The following TPRG1 variants were observed in gnomAD, a reference collection of about 807,000 sequenced individuals.
TPRG1 encodes tumor protein p63-regulated gene 1 protein.
A neutral mutation model predicts 29.3 loss-of-function variants in TPRG1; 29 were observed. The ratio of observed to expected loss-of-function variants is 0.99; its 90% CI spans 0.74 to 1.35. The LOEUF is 1.35. TPRG1 is among the 40% of genes most tolerant of loss of function. The pLI is 0.00. For missense variants in TPRG1, 327 were observed against 335.0 expected, an observed-to-expected ratio of 0.98 and a Z score of 0.19; for synonymous variants, 130 against 116.8, an observed-to-expected ratio of 1.11 and a Z score of -0.73.
At chr3:189,289,604 T>C (rs188490493) in intron 4 of TPRG1, among the ~76,000 whole-genome samples, 6 of 152,344 alleles carry the variant, frequency 3.9e-5, no homozygotes, top group Non-Finnish European at 5.9e-5. Flanking sequence ...GGGATGATGA[T>C]AGTTTTTACT....
At chr3:189,262,519 C>T (rs1365703256) in intron 4 of TPRG1, among the ~76,000 whole-genome samples, 1 of 151,976 alleles carries the variant, frequency 6.6e-6, no homozygotes, top group Non-Finnish European at 1.5e-5. Context: ...CTCAGAGAGT[C>T]AGATTTTCTG....
intron 1 of TPRG1, among the ~76,000 whole-genome samples, chr3:189,106,468 T>C (rs1374174794): frequency 6.6e-6 from 1 of 152,168 alleles, no homozygotes; most frequent in Non-Finnish European, 1.5e-5. Flanking sequence ...ATTTTTCTTA[T>C]GGCAAATATA....
intron 1 of TPRG1, among the ~76,000 whole-genome samples, chr3:189,124,567 T>TAC (rs533158661): frequency 8.1e-4 from 122 of 151,196 alleles, no homozygotes; most frequent in African/African-American, 2.7e-3. Flanking sequence ...TATATATATA[T>TAC]ACACACACAC....
In TPRG1 at chr3:189,296,264, T is replaced by G. The variant is rs145215732; in HGVS notation, c.480-14122T>G. ...GCTGTATTTTCCATGCCTAATTTCT[T>G]CAAAAGTTAATTTGAAAAACCAACT... is the stretch of plus-strand genomic sequence containing the variant. On this transcript the variant is annotated intron_variant, in intron 4 of 5. Transcript: ENST00000345063. Among the ~76,000 whole-genome samples the G allele has an allele frequency of 5.9e-5, 9 of 152,340 alleles. No homozygotes were observed. The East Asian group carries it at 1.7e-3, about 29-fold the overall frequency.
At chr3:189,140,896 AGCCCAAG>A (rs1724457345) in intron 3 of TPRG1, among the ~76,000 whole-genome samples, 1 of 152,170 alleles carries the variant, frequency 6.6e-6, no homozygotes, top group Non-Finnish European at 1.5e-5. Flanking sequence ...TGATTTCTGC[AGCCCAAG>A]CTGAGTGCCG....
chr3:189,151,272 T>A (rs1470587376), intron 5 of TPRG1: 1 of 152,140 alleles, frequency 6.6e-6, no homozygotes, highest in African/African-American at 2.4e-5. Context: ...GTTTTCCAGA[T>A]ATAAGATACT....
At chr3:189,205,282 T>G (rs1734151781) in intron 1 of TPRG1, among the ~76,000 whole-genome samples, 1 of 152,216 alleles carries the variant, frequency 6.6e-6, no homozygotes, top group Non-Finnish European at 1.5e-5. Context: ...AGAAATCATA[T>G]AAAGCAAACT....
chr3:189,035,798 G>A (rs546542758), intron 4 of TPRG1, among the ~76,000 whole-genome samples: 2 of 151,996 alleles, frequency 1.3e-5, no homozygotes, highest in Admixed American at 1.3e-4. Context: ...GCAGAGAAAA[G>A]GAAACACTTA....
At chr3:189,010,380 A>G (rs1000374681) in intron 3 of TPRG1, among the ~76,000 whole-genome samples, 1 of 152,192 alleles carries the variant, frequency 6.6e-6, no homozygotes, top group Admixed American at 6.5e-5. Flanking sequence ...ACAATGGCTG[A>G]GCTAATTCAC....
chr3:189,255,484 CT>C (rs1309168567), intron 4 of TPRG1, among the ~76,000 whole-genome samples: 2 of 152,050 alleles, frequency 1.3e-5, no homozygotes, highest in African/African-American at 4.8e-5. Context: ...CTGAAATTTT[CT>C]TTTTTTCTTG....
chr3:189,107,515 G>A (rs1048631093), intron 1 of TPRG1, among the ~76,000 whole-genome samples: 8 of 151,942 alleles, frequency 5.3e-5, no homozygotes, highest in African/African-American at 1.9e-4. Context: ...AATAACGTAT[G>A]GACAAAAAAG....
At chr3:189,115,816 A>G (rs1342295441) in intron 1 of TPRG1, among the ~76,000 whole-genome samples, 1 of 152,176 alleles carries the variant, frequency 6.6e-6, no homozygotes, top group Non-Finnish European at 1.5e-5. Context: ...AAACTTTATC[A>G]TCTCTCTTTT....
intron 4 of TPRG1, among the ~76,000 whole-genome samples, chr3:189,053,030 TAAAG>T (rs1715429051): frequency 6.6e-6 from 1 of 152,138 alleles, no homozygotes; most frequent in Non-Finnish European, 1.5e-5. Flanking sequence ...AAATCACCAT[TAAAG>T]AACTTACTCA....
intron 1 of TPRG1, among the ~76,000 whole-genome samples, chr3:189,106,743 C>G (rs1047034436): frequency 6.6e-6 from 1 of 151,960 alleles, no homozygotes; most frequent in Non-Finnish European, 1.5e-5. Context: ...TGTATATGAC[C>G]TTGTGTTTTT....
intron 3 of TPRG1, among the ~76,000 whole-genome samples, chr3:189,014,329 A>T (rs955620255): frequency 9.2e-5 from 14 of 152,266 alleles, no homozygotes; most frequent in Middle Eastern, 3.4e-3. Context: ...AAAGTTGAAT[A>T]CTGGCCCCCT....
At chr3:189,180,828 T>C (rs1730113750) in intron 1 of TPRG1, among the ~76,000 whole-genome samples, 1 of 152,208 alleles carries the variant, frequency 6.6e-6, no homozygotes, top group African/African-American at 2.4e-5. Context: ...GTGTGGGGAC[T>C]CTGGCCCCAC....
At chr3:189,030,331 A>T (rs1478911362) in intron 4 of TPRG1, among the ~76,000 whole-genome samples, 4 of 152,252 alleles carry the variant, frequency 2.6e-5, no homozygotes, top group Non-Finnish European at 5.9e-5. Flanking sequence ...ACATCCAGTT[A>T]AATTTAAATT....
At chr3:189,070,783 T>C (rs1716767605) in intron 4 of TPRG1, among the ~76,000 whole-genome samples, 1 of 151,784 alleles carries the variant, frequency 6.6e-6, no homozygotes, top group African/African-American at 2.4e-5. Context: ...AATCTAAAGT[T>C]AGTAGGAGCA....
chr3:189,291,730 T>C (rs912788545), intron 4 of TPRG1, among the ~76,000 whole-genome samples: 3 of 152,228 alleles, frequency 2.0e-5, no homozygotes, highest in Non-Finnish European at 4.4e-5. Context: ...TAGTGCTTTG[T>C]TTACTGCAAA....
Sources: gnomAD v4.1 joint callset for allele counts (sites outside exome capture counted in the v4.1 genomes callset) on GRCh38, gnomAD v4.1.1 for gene constraint, MANE v1.5 for transcripts, NCBI Gene and HGNC (gene_info 2026-07-23, HGNC 2026-07-21) for gene names.